The following KCNN3 variants were observed in gnomAD, a reference collection of about 807,000 sequenced individuals.
The protein encoded by KCNN3 is small conductance calcium-activated potassium channel protein 3.
Under a neutral mutation model 62.9 loss-of-function variants are expected in KCNN3, and 16 were observed. That is an observed-to-expected ratio of 0.25 (90% CI 0.17 to 0.39). The LOEUF (loss-of-function observed/expected upper bound fraction) is 0.39, where lower values mean the gene tolerates loss of function less well. Ranked by LOEUF, KCNN3 falls within the 10% of genes least tolerant of loss-of-function variation. The probability of loss-of-function intolerance (pLI) is 1.00; values close to 1 mark genes in which losing one functional copy is unlikely to be tolerated. For missense variants in KCNN3, 599 were observed against 949.4 expected, an observed-to-expected ratio of 0.63 and a Z score of 4.85; for synonymous variants, 370 against 389.2, an observed-to-expected ratio of 0.95 and a Z score of 0.58.
intron 3 of KCNN3, among the ~76,000 whole-genome samples, chr1:154,751,410 G>T (rs535812470): frequency 6.6e-6 from 1 of 152,140 alleles, no homozygotes; most frequent in Non-Finnish European, 1.5e-5. Context: ...GTGGCATCCC[G>T]TGCAGACAAG....
chr1:154,817,290 G>A (rs1210661441), intron 2 of KCNN3, among the ~76,000 whole-genome samples: 2 of 152,222 alleles, frequency 1.3e-5, no homozygotes, highest in Non-Finnish European at 2.9e-5. Flanking sequence ...CAAGATGGTG[G>A]ATCCTGCACC....
chr1:154,733,317 C>G (rs1304968020), intron 3 of KCNN3, among the ~76,000 whole-genome samples, 173 bp from the exon 4 acceptor site: 1 of 152,182 alleles, frequency 6.6e-6, no homozygotes, highest in African/African-American at 2.4e-5. Context: ...CTGTGCCCAC[C>G]CAGGTCCCAC....
chr1:154,727,268 C>G (rs1700490544), intron 4 of KCNN3, among the ~76,000 whole-genome samples: 1 of 152,208 alleles, frequency 6.6e-6, no homozygotes, highest in Admixed American at 6.5e-5. Flanking sequence ...TGCCACAGAA[C>G]CCAGTCTAGC....
At chr1:154,833,410 AT>A (rs1467832622) in intron 1 of KCNN3, among the ~76,000 whole-genome samples, 1 of 152,172 alleles carries the variant, frequency 6.6e-6, no homozygotes, top group Non-Finnish European at 1.5e-5. Context: ...TTTCCCAGCC[AT>A]GCTTCCAGGC....
chr1:154,839,675 G>T (rs988657200), intron 1 of KCNN3, among the ~76,000 whole-genome samples: 19 of 152,212 alleles, frequency 1.2e-4, no homozygotes, highest in African/African-American at 4.6e-4. Context: ...ACAAGGCTGA[G>T]GACCTCGCCT....
intron 3 of KCNN3, among the ~76,000 whole-genome samples, chr1:154,741,725 A>AT (rs1313746951): frequency 6.6e-6 from 1 of 151,908 alleles, no homozygotes; most frequent in African/African-American, 2.4e-5. Context: ...AAAAAAAAAA[A>AT]AGGATTCTTT....
At chr1:154,830,527 C>T (rs1288435384) in intron 1 of KCNN3, among the ~76,000 whole-genome samples, 1 of 152,256 alleles carries the variant, frequency 6.6e-6, no homozygotes, top group Non-Finnish European at 1.5e-5. Flanking sequence ...GGGGTCTTCA[C>T]CGTCTCTGCA....
chr1:154,752,742 C>T (rs1647437116), intron 3 of KCNN3, among the ~76,000 whole-genome samples: 2 of 152,192 alleles, frequency 1.3e-5, no homozygotes. Context: ...ATGCCCCCTG[C>T]TGGGGGCGAG....
chr1:154,713,728 G>A (rs534493115), intron 6 of KCNN3, among the ~76,000 whole-genome samples, 195 bp from the exon 7 acceptor site: 22 of 152,028 alleles, frequency 1.4e-4, no homozygotes, highest in African/African-American at 5.3e-4. Flanking sequence ...TTGTCTCCAC[G>A]CATGCTCACC....
chr1:154,741,376 C>T (rs1383656985), intron 3 of KCNN3, among the ~76,000 whole-genome samples: 1 of 152,192 alleles, frequency 6.6e-6, no homozygotes, highest in East Asian at 1.9e-4. Context: ...GGGTCTAGCA[C>T]ATAATAGGGG....
intron 3 of KCNN3, among the ~76,000 whole-genome samples, chr1:154,749,544 C>T (rs769085664): frequency 5.3e-5 from 8 of 152,144 alleles, no homozygotes; most frequent in African/African-American, 1.4e-4. Flanking sequence ...CAGGGCAGGA[C>T]GTGGGAGCTC....
chr1:154,713,495 T>G lies in KCNN3; in HGVS notation c.1868A>C (p.Asp623Ala). The G allele has an allele frequency of 6.2e-7, 1 of 1,614,058 alleles. No individual in the cohort carries two copies. Among genetic ancestry groups the G allele is most frequent in the Non-Finnish European group, 8.5e-7 (1 of 1,179,964 alleles). ...AAGGTCCACCAGAGTGTTGGCTTGG[T>G]CACTCAGCTTCCTCTGTTCCATCTT... is the stretch of plus-strand genomic sequence containing the variant. ...SVKMEQRKLS[D>A]QANTLVDLSK... Residue 623 changes from aspartate to alanine, a missense_variant, in exon 7 of 8, where the codon GAC (aspartate) becomes GCC (alanine). Transcript: ENST00000271915.
intron 2 of KCNN3, among the ~76,000 whole-genome samples, chr1:154,794,016 C>G (rs1238647245): frequency 6.6e-6 from 1 of 152,210 alleles, no homozygotes; most frequent in East Asian, 1.9e-4. Flanking sequence ...TGGTGGTTTC[C>G]TGTTGTGCGT....
Position 154,773,221 on chromosome 1 carries a change from T to G in KCNN3, c.1030-828A>C, listed in dbSNP as rs774180418. On this transcript the variant is annotated intron_variant, in intron 2 of 7. Coordinates refer to ENST00000271915, the MANE Select transcript of KCNN3 (RefSeq NM_002249.6). The stretch of plus-strand genomic sequence containing the variant: ...CTTTGTGTTTCGATGAGCTTCCAGA[T>G]AGCTGCACACATGGAGGTCCCTGGA... Among the ~76,000 whole-genome samples, 5 of 152,182 alleles carry G rather than the reference T, an allele frequency of 3.3e-5. No homozygotes were observed. The South Asian group carries it at 8.3e-4, about 25-fold the overall frequency.
intron 1 of KCNN3, among the ~76,000 whole-genome samples, chr1:154,845,117 T>A (rs562302445): frequency 1.3e-5 from 2 of 152,298 alleles, no homozygotes; most frequent in East Asian, 3.9e-4. Context: ...CTTGCCACTC[T>A]TCCATTTCCC....
intron 2 of KCNN3, among the ~76,000 whole-genome samples, chr1:154,790,185 C>T (rs1227001292): frequency 6.6e-6 from 1 of 152,190 alleles, no homozygotes; most frequent in Non-Finnish European, 1.5e-5. Flanking sequence ...CCCGCCTCGG[C>T]CTCCCAAAGT....
chr1:154,816,339 C>T (rs59517499), intron 2 of KCNN3, among the ~76,000 whole-genome samples: 11,083 of 152,278 alleles, frequency 0.073, 1,325 homozygotes, highest in African/African-American at 0.25. Context: ...CCAAGAACCA[C>T]AATTTGAAAT....
In KCNN3 at chr1:154,779,874, A is replaced by G. The variant is rs181696402; in HGVS notation, c.1030-7481T>C. 3.3e-5 allele frequency among the ~76,000 whole-genome samples: 5 copies of G among 152,330 alleles called. No homozygotes were observed. The East Asian group carries it at 9.7e-4, about 29-fold the overall frequency. On this transcript the variant is annotated intron_variant, in intron 2 of 7. Transcript: ENST00000271915. ...CTTGGCTTTCAGCTGTGGGTGTGTC[A>G]CAGGCCCTCTCCCTTGTCACCTGCA...
intron 1 of KCNN3, among the ~76,000 whole-genome samples, chr1:154,864,280 T>A (rs551924142): frequency 3.3e-5 from 5 of 152,322 alleles, no homozygotes; most frequent in African/African-American, 1.2e-4. Context: ...CCCAGAGGCA[T>A]CTTCTCAAAA....
Sources: allele counts gnomAD v4.1 joint callset (sites outside exome capture counted in the v4.1 genomes callset), GRCh38; gene constraint gnomAD v4.1.1; transcripts MANE v1.5; gene names NCBI Gene and HGNC (gene_info 2026-07-23, HGNC 2026-07-21).